The following AP2S1 variants were observed in gnomAD, a reference collection of about 807,000 sequenced individuals.
AP2S1 encodes the protein adaptor related protein complex 2 subunit sigma 1.
A neutral mutation model predicts 21.0 loss-of-function variants in AP2S1; 6 were observed. The ratio of observed to expected loss-of-function variants is 0.29; its 90% CI spans 0.16 to 0.56. The LOEUF (loss-of-function observed/expected upper bound fraction) is 0.56. Among genes scored for constraint, AP2S1 ranks in the 20% least tolerant of loss-of-function variants. AP2S1 has a pLI of 0.92. For missense variants in AP2S1, 60 were observed against 186.2 expected (o/e 0.32, Z 3.95); for synonymous variants, 63 against 74.6 (o/e 0.84, Z 0.80).
At chr19:46,850,567 C>T (rs1418917342) in intron 1 of AP2S1, 197 bp downstream of exon 1, 9 of 622,650 alleles carry the variant, frequency 1.4e-5, no homozygotes, top group Middle Eastern at 4.5e-4. Context: ...CGCCGCGAGA[C>T]CCCTGGTAAC....
At position 46,838,953 on chromosome 19, in the gene AP2S1, G is replaced by C; in HGVS notation, c.268-154C>G. 1.6e-6 allele frequency: 1 copy of C among 634,088 alleles called. No homozygotes were observed. The highest frequency in any genetic ancestry group is 2.8e-6 in the Non-Finnish European group (1 of 354,134). 39.3% of individuals were successfully genotyped at this position (634,088 alleles called of 1,614,324 possible). On this transcript the variant is annotated intron_variant, in intron 3 of 4. Coordinates refer to ENST00000263270, the MANE Select transcript of AP2S1 (RefSeq NM_004069.6). This position sits in a 1 kb window ranked among gnomAD's most constrained non-coding sequence, Gnocchi z 4.1. ...AGACAGTGACAGGGAGAGAGGCAAG[G>C]AGACACACAGAGAGAAACAAAAGCA...
At chr19:46,847,666 T>C (rs753958251) in intron 1 of AP2S1, among the ~76,000 whole-genome samples, 19 of 152,330 alleles carry the variant, frequency 1.2e-4, no homozygotes, top group Middle Eastern at 3.4e-3. Context: ...GTGTCTGTTC[T>C]GGACATTGTA....
intron 2 of AP2S1, among the ~76,000 whole-genome samples, chr19:46,843,153 C>T (rs948856121): frequency 3.3e-5 from 5 of 152,164 alleles, no homozygotes; most frequent in Non-Finnish European, 2.9e-5. Context: ...TAATTGTCGC[C>T]CTGGCTCTGC....
intron 2 of AP2S1, 29 bp downstream of exon 2, chr19:46,845,964 G>A (rs891314612): frequency 6.2e-7 from 1 of 1,613,202 alleles, no homozygotes; most frequent in Non-Finnish European, 8.5e-7. Context: ...GGAAGCAGCG[G>A]GGTGCAGGAG....
In AP2S1 at chr19:46,840,431, A is replaced by T. The variant is rs1482338254; in HGVS notation, c.154-853T>A. On this transcript the variant is annotated intron_variant, in intron 2 of 4. Transcript: ENST00000263270. The stretch of plus-strand genomic sequence containing the variant: ...CCGGGCGAGAGGATCACTTGAGCCC[A>T]GGAGTTTCAGGCCAGCTTGGGCAAC... Among the ~76,000 whole-genome samples the T allele has an allele frequency of 2.6e-5, 4 of 151,302 alleles. No individual in the cohort carries two copies. In the East Asian group the frequency reaches 7.8e-4, roughly 29 times the overall value.
At chr19:46,840,720 ATT>A (rs781138883) in intron 2 of AP2S1, among the ~76,000 whole-genome samples, 67 of 110,702 alleles carry the variant, frequency 6.1e-4, no homozygotes, top group South Asian at 1.2e-3. Flanking sequence ...AGTCTTCGGC[ATT>A]TTTTTTTTTT....
intron 3 of AP2S1, 26 bp downstream of exon 3, chr19:46,839,439 C>CCCCAAACAAA: frequency 6.4e-7 from 1 of 1,569,712 alleles, no homozygotes; most frequent in Non-Finnish European, 8.7e-7. Flanking sequence ...CCCGCCTCCC[C>CCCCAAACAAA]ACCTTACATC....
chr19:46,839,433 C>T, intron 3 of AP2S1, 32 bp downstream of exon 3: 2 of 1,500,062 alleles, frequency 1.3e-6, no homozygotes, highest in Non-Finnish European at 1.8e-6. Flanking sequence ...TGCCCACCCG[C>T]CTCCCCACCT....
chr19:46,846,592 GC>G (rs1281156210), intron 1 of AP2S1, among the ~76,000 whole-genome samples: 1 of 151,772 alleles, frequency 6.6e-6, no homozygotes, highest in Non-Finnish European at 1.5e-5. Context: ...GCCCCTCTAG[GC>G]CTGTTTCCTC....
intron 1 of AP2S1, among the ~76,000 whole-genome samples, chr19:46,849,803 C>T (rs1016278893): frequency 6.6e-6 from 1 of 152,114 alleles, no homozygotes; most frequent in South Asian, 2.1e-4. Context: ...TTACTGGTGA[C>T]ATCCCTTGTC....
intron 2 of AP2S1, among the ~76,000 whole-genome samples, chr19:46,841,321 G>C (rs564412760): frequency 3.3e-5 from 5 of 152,274 alleles, no homozygotes; most frequent in African/African-American, 1.2e-4. Context: ...CTGATCATCA[G>C]TGCTCCTCTC....
intron 2 of AP2S1, among the ~76,000 whole-genome samples, chr19:46,845,111 A>AAAAAAAGGC (rs1468861671): frequency 1.4e-5 from 2 of 144,470 alleles, no homozygotes; most frequent in Non-Finnish European, 3.0e-5. Context: ...AAAAAAAAAA[A>AAAAAAAGGC]AAAAAAGGCA....
chr19:46,840,017 C>A (rs1247021956), intron 2 of AP2S1, among the ~76,000 whole-genome samples: 1 of 152,140 alleles, frequency 6.6e-6, no homozygotes, highest in Non-Finnish European at 1.5e-5. Flanking sequence ...CAGTCACATC[C>A]CTTAGCCTGG....
At chr19:46,847,478 A>G (rs1272950845) in intron 1 of AP2S1, among the ~76,000 whole-genome samples, 1 of 152,012 alleles carries the variant, frequency 6.6e-6, no homozygotes, top group Admixed American at 6.6e-5. Flanking sequence ...TCATCCCCCC[A>G]AAGTGCTGCA....
intron 2 of AP2S1, among the ~76,000 whole-genome samples, chr19:46,840,190 C>T (rs2055492637): frequency 6.6e-6 from 1 of 151,808 alleles, no homozygotes; most frequent in Non-Finnish European, 1.5e-5. Context: ...GCAATAGTAA[C>T]ACAGACACAC....
intron 1 of AP2S1, 137 bp downstream of exon 1, chr19:46,850,627 G>C (rs1257304835): frequency 1.2e-6 from 1 of 815,660 alleles, no homozygotes; most frequent in East Asian, 3.1e-5. Context: ...GCCCTGGATC[G>C]GTCCCAATCC....
At chr19:46,839,439 C>CCACCAAAA in intron 3 of AP2S1, 26 bp downstream of exon 3, 1 of 1,569,710 alleles carries the variant, frequency 6.4e-7, no homozygotes, top group Non-Finnish European at 8.7e-7. Flanking sequence ...CCCGCCTCCC[C>CCACCAAAA]ACCTTACATC....
intron 2 of AP2S1, among the ~76,000 whole-genome samples, chr19:46,844,856 C>T (rs926219207): frequency 6.6e-6 from 1 of 151,998 alleles, no homozygotes; most frequent in African/African-American, 2.4e-5. Context: ...AATCCCAGCA[C>T]TTTGGGAGGC....
Position 46,838,649 on chromosome 19 carries a change from C to T in AP2S1, c.327+91G>A. On this transcript the variant is annotated intron_variant, in intron 4 of 4. Transcript: ENST00000263270. This position sits in a 1 kb window ranked among gnomAD's most constrained non-coding sequence, Gnocchi z 4.1. ...ATGCCCCTCGAGCTGGGACACAGACCTCAGCAGAGGCTCCGGGTGGCTAGT... is the reference window on the plus strand; with the variant it reads ...ATGCCCCTCGAGCTGGGACACAGACTTCAGCAGAGGCTCCGGGTGGCTAGT... The T allele has an allele frequency of 6.4e-7, 1 of 1,572,896 alleles. No individual in the cohort carries two copies. The highest frequency in any genetic ancestry group is 1.1e-5 in the South Asian group (1 of 89,822).
Sources: allele counts gnomAD v4.1 joint callset (sites outside exome capture counted in the v4.1 genomes callset), GRCh38; gene constraint gnomAD v4.1.1; non-coding constraint Gnocchi (gnomAD v3.1); transcripts MANE v1.5; gene names NCBI Gene and HGNC (gene_info 2026-07-23, HGNC 2026-07-21).